The following RBFOX1 variants were observed in gnomAD, a reference collection of about 807,000 sequenced individuals.
RBFOX1 encodes RNA binding protein fox-1 homolog 1.
A neutral mutation model predicts 57.7 loss-of-function variants in RBFOX1; 8 were observed. The ratio of observed to expected loss-of-function variants is 0.14; its 90% CI spans 0.08 to 0.25. The LOEUF (loss-of-function observed/expected upper bound fraction) is 0.25. Among genes scored for constraint, RBFOX1 ranks in the 10% least tolerant of loss-of-function variants. The probability of loss-of-function intolerance (pLI) is 1.00; values close to 1 mark genes in which losing one functional copy is unlikely to be tolerated. For synonymous variants in RBFOX1, 326 were observed against 222.4 expected, an observed-to-expected ratio of 1.47 and a Z score of -4.15; for missense variants, 611 against 548.5, an observed-to-expected ratio of 1.11 and a Z score of -1.14.
intron 2 of RBFOX1, among the ~76,000 whole-genome samples, chr16:5,505,703 A>G (rs1018308523): frequency 4.6e-5 from 7 of 152,092 alleles, no homozygotes; most frequent in Admixed American, 3.3e-4. Flanking sequence ...AAAAGATACC[A>G]TCTTACATTG....
At chr16:6,762,378 C>G (rs1489449795) in intron 3 of RBFOX1, among the ~76,000 whole-genome samples, 5 of 151,994 alleles carry the variant, frequency 3.3e-5, no homozygotes, top group African/African-American at 1.2e-4. Flanking sequence ...TACTAGTGCA[C>G]TTAGAAGGTA....
chr16:6,981,171 T>C (rs1331231549), intron 3 of RBFOX1, among the ~76,000 whole-genome samples: 1 of 151,968 alleles, frequency 6.6e-6, no homozygotes, highest in African/African-American at 2.4e-5. Flanking sequence ...GTTGCACAGA[T>C]AAGCTTGTGT....
chr16:7,560,978 G>A (rs2090194953), intron 5 of RBFOX1, among the ~76,000 whole-genome samples: 1 of 152,204 alleles, frequency 6.6e-6, no homozygotes, highest in Non-Finnish European at 1.5e-5. Context: ...CCGTTGTCCT[G>A]TGACTGTGTG....
intron 3 of RBFOX1, among the ~76,000 whole-genome samples, chr16:6,982,939 A>G (rs1312064941): frequency 6.9e-6 from 1 of 145,550 alleles, no homozygotes; most frequent in East Asian, 2.2e-4. Context: ...GGTTGCAGTG[A>G]GATAACATCA....
In RBFOX1 at chr16:5,281,406, C is replaced by T. The variant is rs545460232; in HGVS notation, c.219+41301C>T. Among the ~76,000 whole-genome samples the T allele has an allele frequency of 1.6e-4, 25 of 152,264 alleles. No individual in the cohort carries two copies. In the South Asian group the frequency reaches 3.7e-3, roughly 23 times the overall value. On this transcript the variant is annotated intron_variant, in intron 1 of 2. Coordinates refer to the RBFOX1 transcript ENST00000585867. Reference sequence around the variant, plus strand: ...GAGATGATAGTGTATTCTGCTGCTGCTGGATGAAATATTCTGAAAATAACT... The same window carrying T: ...GAGATGATAGTGTATTCTGCTGCTGTTGGATGAAATATTCTGAAAATAACT...
intron 4 of RBFOX1, among the ~76,000 whole-genome samples, chr16:7,355,743 T>G (rs77566692): frequency 0.029 from 4,402 of 152,292 alleles, 133 homozygotes; most frequent in African/African-American, 0.079. Context: ...CAAAAAAGGG[T>G]ATGATGGACC....
At chr16:6,393,534 C>G (rs2092696570) in intron 2 of RBFOX1, among the ~76,000 whole-genome samples, 1 of 152,172 alleles carries the variant, frequency 6.6e-6, no homozygotes, top group Non-Finnish European at 1.5e-5. Context: ...TTCATGCATT[C>G]AAATCCTTGA....
intron 4 of RBFOX1, among the ~76,000 whole-genome samples, chr16:5,958,893 C>G (rs1387043855): frequency 1.3e-5 from 2 of 152,168 alleles, no homozygotes; most frequent in Non-Finnish European, 2.9e-5. Context: ...GATTGCAACT[C>G]TAGGCACACC....
chr16:5,283,865 G>A lies in RBFOX1; in HGVS notation c.219+43760G>A. Reference sequence around the variant, plus strand: ...TGCTGAACTTAGTTAAGACTTTGGGGGACTGTTGGGAAGGCATGATTGGTT... The same window carrying A: ...TGCTGAACTTAGTTAAGACTTTGGGAGACTGTTGGGAAGGCATGATTGGTT... On this transcript the variant is annotated intron_variant, in intron 1 of 2. Transcript: ENST00000585867. Among the ~76,000 whole-genome samples, 2 of 151,988 alleles carry A rather than the reference G, an allele frequency of 1.3e-5. 1 individual carries two copies. The highest frequency in any genetic ancestry group is 2.9e-5 in the Non-Finnish European group (2 of 67,944).
chr16:6,949,329 T>C (rs2080216710), intron 3 of RBFOX1, among the ~76,000 whole-genome samples: 1 of 152,236 alleles, frequency 6.6e-6, no homozygotes, highest in South Asian at 2.1e-4. Flanking sequence ...CAATCTTCGC[T>C]CACCTTTTGT....
intron 1 of RBFOX1, among the ~76,000 whole-genome samples, chr16:5,298,434 TCCCTCCCCTC>T (rs1161599667): frequency 8.1e-5 from 8 of 99,126 alleles, no homozygotes; most frequent in Non-Finnish European, 1.4e-4. Flanking sequence ...TCTCTCCCCT[TCCCTCCCCTC>T]CCCTCCCCTC....
chr16:6,958,258 G>A (rs2082272427), intron 3 of RBFOX1, among the ~76,000 whole-genome samples: 1 of 152,192 alleles, frequency 6.6e-6, no homozygotes, highest in African/African-American at 2.4e-5. Context: ...GCCGTTAGCA[G>A]GCTGGGCAAT....
intron 2 of RBFOX1, among the ~76,000 whole-genome samples, chr16:5,548,174 A>AATATATATAT (rs71142629): frequency 7.1e-4 from 24 of 33,574 alleles, no homozygotes; most frequent in Non-Finnish European, 1.3e-3. Context: ...AAAAAAAAAA[A>AATATATATAT]ATATATATAT....
chr16:7,314,086 A>G (rs2096382943), intron 4 of RBFOX1, among the ~76,000 whole-genome samples: 1 of 152,096 alleles, frequency 6.6e-6, no homozygotes, highest in Non-Finnish European at 1.5e-5. Flanking sequence ...ATTGCAACAA[A>G]CCATGAGGCT....
intron 3 of RBFOX1, among the ~76,000 whole-genome samples, chr16:5,801,331 C>G: frequency 7.6e-6 from 1 of 132,450 alleles, no homozygotes; most frequent in Non-Finnish European, 1.6e-5. Context: ...CTCTCTCTCC[C>G]TCCCTCTCTC....
intron 4 of RBFOX1, among the ~76,000 whole-genome samples, chr16:7,293,412 G>A (rs868481977): frequency 1.4e-4 from 21 of 152,106 alleles, no homozygotes; most frequent in African/African-American, 2.7e-4. Flanking sequence ...TGACTCTACC[G>A]ATCCTTGTCT....
intron 4 of RBFOX1, among the ~76,000 whole-genome samples, chr16:7,473,638 C>G (rs1033850146): frequency 6.6e-6 from 1 of 151,622 alleles, no homozygotes; most frequent in African/African-American, 2.4e-5. Context: ...ACAGTAATAT[C>G]TTGTTGTGCT....
At chr16:7,104,418 G>C (rs780359515) in intron 4 of RBFOX1, among the ~76,000 whole-genome samples, 7 of 152,118 alleles carry the variant, frequency 4.6e-5, no homozygotes, top group Non-Finnish European at 8.8e-5. Flanking sequence ...GATTAAAACA[G>C]ACTATTGTCA....
intron 3 of RBFOX1, among the ~76,000 whole-genome samples, chr16:6,885,085 C>G (rs1420672621): frequency 6.6e-6 from 1 of 152,182 alleles, no homozygotes; most frequent in Non-Finnish European, 1.5e-5. Flanking sequence ...GATACAGAGA[C>G]AGATCAAACC....
Sources: allele counts gnomAD v4.1 joint callset (sites outside exome capture counted in the v4.1 genomes callset), GRCh38; gene constraint gnomAD v4.1.1; transcripts MANE v1.5; gene names NCBI Gene and HGNC (gene_info 2026-07-23, HGNC 2026-07-21).